Variants in CEP63 observed in about 807,000 individuals in gnomAD.
CEP63 encodes the protein centrosomal protein 63, also known as centrosomal protein of 63 kDa.
Under a neutral mutation model 89.1 loss-of-function variants are expected in CEP63, and 84 were observed. The observed-to-expected ratio is 0.94, with a 90% confidence interval of 0.79 to 1.13. The LOEUF is 1.13. Ranked by LOEUF, CEP63 falls within the 50% of genes most tolerant of loss-of-function variation. The pLI is 0.00. For missense variants in CEP63, 838 were observed against 813.3 expected (o/e 1.03, Z -0.37); for synonymous variants, 267 against 272.5 (o/e 0.98, Z 0.20).
the CEP63 span, among the ~76,000 whole-genome samples, chr3:134,690,472 C>G: frequency 6.6e-6 from 1 of 152,194 alleles, no homozygotes; most frequent in Non-Finnish European, 1.5e-5. Context: ...TTTATTCACA[C>G]ACATTGTTGC....
At chr3:134,690,743 A>ATTTTTTTTTTTTTTTTTTTTTTTTTT in the CEP63 span, among the ~76,000 whole-genome samples, 9 of 120,800 alleles carry the variant, frequency 7.5e-5, 1 homozygote, top group African/African-American at 2.4e-4. Context: ...GAAGACCAAG[A>ATTTTTTTTTTTTTTTTTTTTTTTTTT]TTTTTTTTTT....
At chr3:134,644,088 G>A in the CEP63 span, among the ~76,000 whole-genome samples, 1 of 152,148 alleles carries the variant, frequency 6.6e-6, no homozygotes, top group Admixed American at 6.5e-5. Context: ...GCCTCCCAAA[G>A]TGCTGGGATT....
At chr3:134,656,712 G>C in the CEP63 span, among the ~76,000 whole-genome samples, 1 of 152,136 alleles carries the variant, frequency 6.6e-6, no homozygotes, top group Non-Finnish European at 1.5e-5. Context: ...GGGCTCAGAT[G>C]GAGAGGACAG....
At chr3:134,629,556 G>T in the CEP63 span, 1 of 1,305,736 alleles carries the variant, frequency 7.7e-7, no homozygotes, top group Non-Finnish European at 1.1e-6. Context: ...CTGGGATCTG[G>T]CCCAACCAGC....
the CEP63 span, among the ~76,000 whole-genome samples, chr3:134,634,999 T>C: frequency 8.5e-5 from 13 of 152,340 alleles, no homozygotes; most frequent in Admixed American, 7.8e-4. Context: ...CAGTTTCTTA[T>C]AAAACAAAAC....
the CEP63 span, among the ~76,000 whole-genome samples, chr3:134,746,636 T>C: frequency 6.6e-6 from 1 of 152,256 alleles, no homozygotes. Context: ...AGATGGTAGG[T>C]ATCTCATTGT....
At chr3:134,528,057 A>G (rs528822422) in intron 3 of CEP63, among the ~76,000 whole-genome samples, 1 of 152,268 alleles carries the variant, frequency 6.6e-6, no homozygotes, top group Non-Finnish European at 1.5e-5. Flanking sequence ...TTGAGTGTTC[A>G]TGGTGGGCGA....
At chr3:134,635,761 T>C in the CEP63 span, among the ~76,000 whole-genome samples, 141 of 151,914 alleles carry the variant, frequency 9.3e-4, no homozygotes, top group Middle Eastern at 3.4e-3. Context: ...AAAGCAAAAA[T>C]ACCAACCACA....
the CEP63 span, chr3:134,604,529 T>C: frequency 4.1e-5 from 59 of 1,449,876 alleles, no homozygotes; most frequent in Admixed American, 8.2e-4. Flanking sequence ...GCTGATGTGC[T>C]GGTAAATGTT....
chr3:134,611,504 T>C, the CEP63 span, among the ~76,000 whole-genome samples: 1 of 152,236 alleles, frequency 6.6e-6, no homozygotes, highest in African/African-American at 2.4e-5. Flanking sequence ...CTAGCCCTCC[T>C]AGGGCCTTTG....
the CEP63 span, chr3:134,629,287 G>A: frequency 3.5e-6 from 1 of 284,132 alleles, no homozygotes; most frequent in Non-Finnish European, 6.8e-6. Context: ...GTTAATAAAT[G>A]TTAAAGTACT....
At chr3:134,570,000 C>T (rs771110850), downstream of CEP63, among the ~76,000 whole-genome samples, 36 of 152,230 alleles carry the variant, frequency 2.4e-4, no homozygotes, top group Non-Finnish European at 3.7e-4. Context: ...CTGAGCTCTA[C>T]GTTGGCCACT....
chr3:134,666,053 G>C, the CEP63 span, among the ~76,000 whole-genome samples: 2 of 152,154 alleles, frequency 1.3e-5, no homozygotes, highest in African/African-American at 4.8e-5. Context: ...AGATGAGAGA[G>C]AGACAGAGAG....
At chr3:134,493,901 A>G (rs1938649560) in intron 1 of CEP63, among the ~76,000 whole-genome samples, 1 of 152,180 alleles carries the variant, frequency 6.6e-6, no homozygotes, top group Non-Finnish European at 1.5e-5. Flanking sequence ...TCTACACCAC[A>G]GTCTGGTTAT....
At chr3:134,627,612 T>C in the CEP63 span, 1 of 683,358 alleles carries the variant, frequency 1.5e-6, no homozygotes, top group Non-Finnish European at 2.6e-6. Context: ...TAATCAATCA[T>C]GACACTCTTC....
chr3:134,686,937 A>G, the CEP63 span, among the ~76,000 whole-genome samples: 1 of 152,246 alleles, frequency 6.6e-6, no homozygotes, highest in Admixed American at 6.5e-5. Context: ...ACCATGATGC[A>G]GAAAACTCCC....
the CEP63 span, among the ~76,000 whole-genome samples, chr3:134,703,507 T>C: frequency 1.4e-4 from 21 of 152,164 alleles, no homozygotes; most frequent in African/African-American, 5.1e-4. Context: ...CCATTATCCT[T>C]AGTAAACTAA....
At chr3:134,631,357 C>T in the CEP63 span, among the ~76,000 whole-genome samples, 1 of 152,050 alleles carries the variant, frequency 6.6e-6, no homozygotes, top group Non-Finnish European at 1.5e-5. Flanking sequence ...GAATTTGGTA[C>T]CAACAGACTT....
At chr3:134,494,451 G>C (rs533473030) in intron 1 of CEP63, among the ~76,000 whole-genome samples, 1 of 152,012 alleles carries the variant, frequency 6.6e-6, no homozygotes, top group Admixed American at 6.6e-5. Flanking sequence ...TCTATCTCCC[G>C]TTCCCTCTTT....
Sources: allele counts gnomAD v4.1 joint callset (sites outside exome capture counted in the v4.1 genomes callset), GRCh38; gene constraint gnomAD v4.1.1; transcripts MANE v1.5; gene names NCBI Gene and HGNC (gene_info 2026-07-23, HGNC 2026-07-21).